The following PTPRK variants were observed in gnomAD, a reference collection of about 807,000 sequenced individuals.
PTPRK encodes the protein receptor-type tyrosine-protein phosphatase kappa.
PTPRK carries 75 observed loss-of-function variants against 178.0 expected under a neutral mutation model. That is an observed-to-expected ratio of 0.42 (90% CI 0.35 to 0.51). The LOEUF is 0.51. Ranked by LOEUF, PTPRK falls within the 20% of genes least tolerant of loss-of-function variation. The pLI is 0.02. For synonymous variants in PTPRK, 637 were observed against 620.6 expected (o/e 1.03, Z -0.39); for missense variants, 1,441 against 1,797.8 (o/e 0.80, Z 3.59).
intron 3 of PTPRK, among the ~76,000 whole-genome samples, chr6:128,247,956 TA>T (rs1815781249): frequency 6.6e-6 from 1 of 152,246 alleles, no homozygotes; most frequent in Admixed American, 6.5e-5. Flanking sequence ...TTTTAATATT[TA>T]AACATTAAAT....
rs768084512 is a variant in PTPRK at position 128,218,935 on chromosome 6, T to C, written c.855A>G (p.Gln285=). Residue 285 remains glutamine, a synonymous_variant, in exon 6 of 30, where the codon CAA becomes CAG. Coordinates refer to ENST00000368226, the MANE Select transcript of PTPRK (RefSeq NM_002844.4). ...ATTTCACCTTACCTCTCACAATAAG[T>C]TGAGCAAAATTGGACACACCGGAAC... The part of the protein sequence containing the change: ...ERGSGVSNFA[Q]LIVREPPRPI... 3.2e-5 allele frequency: 51 copies of C among 1,611,912 alleles called. No individual in the cohort carries two copies. In the East Asian group the frequency reaches 1.1e-3, roughly 35 times the overall value.
chr6:128,512,151 C>T (rs1486968001), intron 1 of PTPRK, among the ~76,000 whole-genome samples: 1 of 152,176 alleles, frequency 6.6e-6, no homozygotes, highest in Non-Finnish European at 1.5e-5. Flanking sequence ...TCCACCACTA[C>T]TTCTCCTCTA....
At chr6:128,004,898 A>G in intron 15 of PTPRK, 186 bp downstream of exon 15, 2 of 561,668 alleles carry the variant, frequency 3.6e-6, no homozygotes, top group Non-Finnish European at 6.2e-6. Context: ...GTTAAACTAA[A>G]TCCAGTATCA....
At chr6:128,103,009 C>G (rs1009388940) in intron 7 of PTPRK, among the ~76,000 whole-genome samples, 16 of 152,126 alleles carry the variant, frequency 1.1e-4, no homozygotes, top group African/African-American at 3.9e-4. Context: ...GTTTTTGCAC[C>G]CAAATGTTGC....
At chr6:128,357,371 G>A (rs1263829037) in intron 2 of PTPRK, among the ~76,000 whole-genome samples, 1 of 152,172 alleles carries the variant, frequency 6.6e-6, no homozygotes, top group Admixed American at 6.5e-5. Flanking sequence ...AAGAAACAAA[G>A]ACAGAGATCA....
At chr6:128,223,755 T>C (rs1810816379) in intron 5 of PTPRK, among the ~76,000 whole-genome samples, 1 of 152,176 alleles carries the variant, frequency 6.6e-6, no homozygotes, top group Non-Finnish European at 1.5e-5. Flanking sequence ...TCATATCCAA[T>C]TAAAGTTCAG....
intron 3 of PTPRK, among the ~76,000 whole-genome samples, chr6:128,258,998 G>A (rs567769598): frequency 1.1e-4 from 17 of 152,270 alleles, no homozygotes; most frequent in African/African-American, 4.1e-4. Context: ...CCTGATATCT[G>A]ACATGTGTTT....
chr6:128,127,026 T>C (rs1793492940), intron 7 of PTPRK, among the ~76,000 whole-genome samples: 1 of 152,182 alleles, frequency 6.6e-6, no homozygotes, highest in African/African-American at 2.4e-5. Context: ...TTTGCTAATT[T>C]GCAGTGTTGA....
intron 1 of PTPRK, among the ~76,000 whole-genome samples, chr6:128,478,624 C>T (rs1339385632): frequency 1.3e-5 from 2 of 151,994 alleles, no homozygotes; most frequent in African/African-American, 4.8e-5. Context: ...TGGGGGTTTT[C>T]TGTTTGTTTT....
intron 2 of PTPRK, among the ~76,000 whole-genome samples, chr6:128,378,578 C>A (rs1172985164): frequency 6.6e-6 from 1 of 151,972 alleles, no homozygotes; most frequent in Non-Finnish European, 1.5e-5. Context: ...AAAATTTCCA[C>A]TGAAAATACA....
At chr6:128,006,439 GATT>G (rs1225062609) in intron 14 of PTPRK, among the ~76,000 whole-genome samples, 1 of 150,642 alleles carries the variant, frequency 6.6e-6, no homozygotes, top group Non-Finnish European at 1.5e-5. Flanking sequence ...GTACTATATA[GATT>G]ATTTTTCTTT....
Position 128,202,745 on chromosome 6 carries a change from A to G in PTPRK, c.868+16177T>C, listed in dbSNP as rs183526345. ...GGATAGACCAATGACAAATTCTGAA[A>G]TTGAGGCACTAATAAATAGCCTACA... On this transcript the variant is annotated intron_variant, in intron 6 of 29. Transcript: ENST00000368226. Among the ~76,000 whole-genome samples the G allele has an allele frequency of 1.4e-4, 22 of 152,302 alleles. No homozygotes were observed. In the East Asian group the frequency reaches 4.1e-3, roughly 28 times the overall value.
intron 3 of PTPRK, among the ~76,000 whole-genome samples, chr6:128,262,825 A>G (rs1277659743): frequency 6.8e-6 from 1 of 146,690 alleles, no homozygotes; most frequent in East Asian, 2.0e-4. Context: ...TTTTTTTCCC[A>G]AGAATTTTTA....
At chr6:128,344,909 A>G (rs1193281678) in intron 2 of PTPRK, among the ~76,000 whole-genome samples, 2 of 152,102 alleles carry the variant, frequency 1.3e-5, no homozygotes, top group African/African-American at 4.8e-5. Context: ...AAATTTTTTA[A>G]TTAATCTAGA....
rs375491929 is a variant in PTPRK, at chr6:128,177,872, T to A, written c.1162+6560A>T. The stretch of plus-strand genomic sequence containing the variant: ...GAAATTTAGAATAACATTTCTATAT[T>A]CCCATGAACCCCAGAGGTTTAAAAA... On this transcript the variant is annotated intron_variant, in intron 7 of 29. Transcript: ENST00000368226. Among the ~76,000 whole-genome samples the A allele has an allele frequency of 8.3e-4, 126 of 151,940 alleles. 1 individual carries two copies. Among genetic ancestry groups the A allele is most frequent in the African/African-American group, 3.0e-3 (123 of 41,546 alleles).
chr6:128,163,635 T>C (rs999841879), intron 7 of PTPRK, among the ~76,000 whole-genome samples: 2 of 151,440 alleles, frequency 1.3e-5, no homozygotes, highest in African/African-American at 2.4e-5. Context: ...CTTAGTCCGT[T>C]TGTGAGAATA....
chr6:127,989,051 T>C (rs1367361382), intron 21 of PTPRK, among the ~76,000 whole-genome samples: 1 of 152,100 alleles, frequency 6.6e-6, no homozygotes, highest in Non-Finnish European at 1.5e-5. Flanking sequence ...TGACTTCTAA[T>C]AGGCTAATTT....
chr6:128,229,607 C>A (rs568938607), intron 5 of PTPRK, among the ~76,000 whole-genome samples: 1 of 151,952 alleles, frequency 6.6e-6, no homozygotes, highest in East Asian at 1.9e-4. Context: ...TCTCACAGTA[C>A]CAGGTAGCAA....
chr6:128,017,731 A>C (rs192284275), intron 13 of PTPRK, among the ~76,000 whole-genome samples: 1,610 of 132,044 alleles, frequency 0.012, 22 homozygotes, highest in African/African-American at 0.031. Context: ...CTCTCTCTCT[A>C]TATATATAAT....
Sources: gnomAD v4.1 joint callset for allele counts (sites outside exome capture counted in the v4.1 genomes callset) on GRCh38, gnomAD v4.1.1 for gene constraint, MANE v1.5 for transcripts, NCBI Gene and HGNC (gene_info 2026-07-23, HGNC 2026-07-21) for gene names.